Variants in PRKN observed in about 807,000 individuals in gnomAD.
PRKN encodes E3 ubiquitin-protein ligase parkin.
Under a neutral mutation model 59.5 loss-of-function variants are expected in PRKN, and 56 were observed. The ratio of observed to expected loss-of-function variants is 0.94; its 90% CI spans 0.76 to 1.18. PRKN has a LOEUF of 1.18. Among genes scored for constraint, PRKN ranks in the 50% most tolerant of loss-of-function variants. The pLI, the probability that PRKN is intolerant of heterozygous loss-of-function variation, is 0.00. For synonymous variants in PRKN, 250 were observed against 222.1 expected, an observed-to-expected ratio of 1.13 and a Z score of -1.12; for missense variants, 657 against 596.4, an observed-to-expected ratio of 1.10 and a Z score of -1.06.
At chr6:161,433,528 T>G (rs1188254323) in intron 9 of PRKN, among the ~76,000 whole-genome samples, 1 of 152,144 alleles carries the variant, frequency 6.6e-6, no homozygotes, top group East Asian at 1.9e-4. Context: ...CAATAAAATA[T>G]TTTCAAATAT....
chr6:162,150,043 A>G (rs769142511), intron 4 of PRKN, among the ~76,000 whole-genome samples: 14 of 152,208 alleles, frequency 9.2e-5, no homozygotes, highest in Non-Finnish European at 1.9e-4. Flanking sequence ...ACTTCTTCAC[A>G]TGCAGATTCC....
intron 9 of PRKN, among the ~76,000 whole-genome samples, chr6:161,406,961 T>C (rs1787305673): frequency 1.3e-5 from 2 of 152,154 alleles, no homozygotes; most frequent in South Asian, 2.1e-4. Flanking sequence ...TCTTGCTGAC[T>C]TGGAAACATC....
chr6:162,707,983 G>T (rs1778397037), intron 1 of PRKN, among the ~76,000 whole-genome samples: 1 of 152,144 alleles, frequency 6.6e-6, no homozygotes, highest in Non-Finnish European at 1.5e-5. Context: ...CCAAAGTGCT[G>T]GGATTACAGG....
At chr6:161,874,999 A>C (rs1237974254) in intron 6 of PRKN, among the ~76,000 whole-genome samples, 1 of 92,848 alleles carries the variant, frequency 1.1e-5, no homozygotes, top group African/African-American at 5.4e-5. Context: ...TTTATATATA[A>C]TATATTATAT....
intron 5 of PRKN, among the ~76,000 whole-genome samples, chr6:161,975,782 AG>A (rs771967831): frequency 2.5e-4 from 38 of 152,342 alleles, no homozygotes; most frequent in Middle Eastern, 3.4e-3. Context: ...CCAATGTCAG[AG>A]GCAAAGTGAG....
In PRKN at chr6:161,471,278, T is replaced by C. The variant is rs747482911; in HGVS notation, c.1083+77576A>G. 1.3e-5 allele frequency among the ~76,000 whole-genome samples: 2 copies of C among 152,200 alleles called. No homozygotes were observed. The highest frequency in any genetic ancestry group is 2.9e-5 in the Non-Finnish European group (2 of 68,044). ...AATATAGCCAAACATTAGCAGAGTC[T>C]GCAATGTCTGAGTTTTGGGGTTATG... On this transcript the variant is annotated intron_variant, in intron 9 of 11. Transcript: ENST00000366898. The surrounding 1 kb of genome is among the most constrained non-coding windows in gnomAD (Gnocchi z 4.5).
rs1562688126 is a variant in PRKN at position 162,343,927 on chromosome 6, GAA to G, written c.172-81164_172-81163del. On this transcript the variant is annotated intron_variant, in intron 2 of 11. Transcript: ENST00000366898. ...TCACCCATGAGCAATAGAAAAAAAG[GAA>G]AGTTATTTAATATATTAGAAAACCC... 2.0e-5 allele frequency among the ~76,000 whole-genome samples: 3 copies of G among 152,110 alleles called. No homozygotes were observed. The South Asian group carries it at 6.2e-4, about 31-fold the overall frequency.
intron 6 of PRKN, among the ~76,000 whole-genome samples, chr6:161,927,165 A>G (rs182694934): frequency 1.2e-4 from 19 of 152,228 alleles, no homozygotes; most frequent in Admixed American, 2.0e-4. Flanking sequence ...GTTAACCAGT[A>G]TTTTCCTTCC....
At chr6:161,996,616 TGAA>T (rs1171265255) in intron 5 of PRKN, among the ~76,000 whole-genome samples, 1 of 152,170 alleles carries the variant, frequency 6.6e-6, no homozygotes, top group African/African-American at 2.4e-5. Context: ...GCTAATTAAA[TGAA>T]GAATAGCAGA....
intron 6 of PRKN, among the ~76,000 whole-genome samples, chr6:161,817,675 C>G (rs1490576176): frequency 6.6e-6 from 1 of 151,882 alleles, no homozygotes; most frequent in Admixed American, 6.5e-5. Context: ...CAATACTTGT[C>G]ATTGCATGTG....
At chr6:162,545,771 A>G (rs1583770952) in intron 1 of PRKN, among the ~76,000 whole-genome samples, 1 of 152,196 alleles carries the variant, frequency 6.6e-6, no homozygotes, top group East Asian at 1.9e-4. Flanking sequence ...TTTGATAATT[A>G]TAATCTAACA....
In PRKN at chr6:161,390,231, C is replaced by T. The variant is rs1380271073; in HGVS notation, c.1084-3354G>A. On this transcript the variant is annotated intron_variant, in intron 9 of 11. Coordinates refer to ENST00000366898, the MANE Select transcript of PRKN (RefSeq NM_004562.3). This position sits in a 1 kb window ranked among gnomAD's most constrained non-coding sequence, Gnocchi z 7.0. ...CAAGACTCTCAACCTTCAGTTCTCA[C>T]ACTACGCACCAGAGTGCCCTGCGGT... Among the ~76,000 whole-genome samples the T allele has an allele frequency of 1.3e-5, 2 of 152,218 alleles. No individual in the cohort carries two copies. Among genetic ancestry groups the T allele is most frequent in the South Asian group, 2.1e-4 (1 of 4,834 alleles).
intron 1 of PRKN, among the ~76,000 whole-genome samples, chr6:162,677,358 G>A (rs961768677): frequency 5.4e-5 from 8 of 148,306 alleles, no homozygotes; most frequent in African/African-American, 9.9e-5. Context: ...TGCACCTTTC[G>A]AATAAAATTA....
chr6:161,789,998 A>C (rs1036422662), intron 6 of PRKN, among the ~76,000 whole-genome samples: 2 of 152,182 alleles, frequency 1.3e-5, no homozygotes, highest in Non-Finnish European at 2.9e-5. Context: ...TGAGTGGATA[A>C]ATACCTTATA....
At chr6:161,614,560 T>C (rs192593403) in intron 7 of PRKN, among the ~76,000 whole-genome samples, 5 of 152,366 alleles carry the variant, frequency 3.3e-5, no homozygotes, top group East Asian at 1.9e-4. Context: ...CTAGACTATG[T>C]TGAGATTGTA....
chr6:161,956,315 C>G (rs1780167950), intron 6 of PRKN, among the ~76,000 whole-genome samples: 1 of 152,176 alleles, frequency 6.6e-6, no homozygotes, highest in Admixed American at 6.5e-5. Context: ...TTGAGCACCA[C>G]TGAGCCATTC....
intron 6 of PRKN, among the ~76,000 whole-genome samples, chr6:161,866,195 C>T (rs1263664603): frequency 1.3e-5 from 2 of 152,112 alleles, no homozygotes; most frequent in Non-Finnish European, 1.5e-5. Flanking sequence ...GTACTGCAAA[C>T]AATTGCAACA....
At chr6:162,597,846 T>C (rs1375622524) in intron 1 of PRKN, among the ~76,000 whole-genome samples, 1 of 152,198 alleles carries the variant, frequency 6.6e-6, no homozygotes, top group Non-Finnish European at 1.5e-5. Context: ...CCTGTGATTA[T>C]AGGTAAAAAT....
Position 162,262,681 on chromosome 6 carries a change from C to A in PRKN, c.256G>T (p.Asp86Tyr), listed in dbSNP as rs747891099. The A allele has an allele frequency of 6.2e-7, 1 of 1,612,872 alleles. No individual in the cohort carries two copies. The highest frequency in any genetic ancestry group is 8.5e-7 in the Non-Finnish European group (1 of 1,179,936). Residue 86 changes from aspartate (D) to tyrosine (Y), a missense_variant, in exon 3 of 12, where the codon GAC (aspartate) becomes TAC (tyrosine). Physicochemically the swap from Asp to Tyr is radical, Grantham distance 160. Transcript: ENST00000366898. ...KGQEMNATGG[D>Y]DPRNAAGGCE... is the part of the protein sequence containing the mutation. ...CCTCCCGCCGCGTTTCTGGGGTCGT[C>A]GCCTCCAGTTGCATTCATTTCTTGA...
Sources: gnomAD v4.1 joint callset for allele counts (sites outside exome capture counted in the v4.1 genomes callset) on GRCh38, gnomAD v4.1.1 for gene constraint, Gnocchi (gnomAD v3.1) non-coding constraint, MANE v1.5 for transcripts, NCBI Gene and HGNC (gene_info 2026-07-23, HGNC 2026-07-21) for gene names.